HSD17B2: variants seen among roughly 807,000 people sequenced by gnomAD.
The protein encoded by HSD17B2 is hydroxysteroid 17-beta dehydrogenase 2, also known as 17-beta-hydroxysteroid dehydrogenase type 2.
A neutral mutation model predicts 26.9 loss-of-function variants in HSD17B2; 32 were observed. The ratio of observed to expected loss-of-function variants is 1.19; its 90% CI spans 0.90 to 1.60. The LOEUF (loss-of-function observed/expected upper bound fraction) is 1.60, where lower values mean the gene tolerates loss of function less well. Among genes scored for constraint, HSD17B2 ranks in the 40% most tolerant of loss-of-function variants. The probability of loss-of-function intolerance (pLI) is 0.00; values close to 1 mark genes in which losing one functional copy is unlikely to be tolerated. For missense variants in HSD17B2, 613 were observed against 468.6 expected (o/e 1.31, Z -2.85); for synonymous variants, 246 against 186.7 (o/e 1.32, Z -2.59).
At chr16:82,077,747 G>C (rs1904310058) in intron 3 of HSD17B2, among the ~76,000 whole-genome samples, 1 of 142,086 alleles carries the variant, frequency 7.0e-6, no homozygotes, top group African/African-American at 2.6e-5. Flanking sequence ...AAGAAAGAAA[G>C]AAGAAAGAAA....
rs759945495 is a variant in HSD17B2 at position 82,035,380 on chromosome 16, G to C, written c.-45G>C. ...GCCTCCAGCCAGCCTTTGCCCGCTA[G>C]ACTCACTGGCCCTGAGCACTTGAAG... On this transcript the variant is annotated 5_prime_UTR_variant, in exon 1 of 5. Transcript: ENST00000199936. The C allele has an allele frequency of 3.8e-6, 6 of 1,576,528 alleles. No homozygotes were observed. Among genetic ancestry groups the C allele is most frequent in the Admixed American group, 1.7e-5 (1 of 57,966 alleles).
At chr16:82,051,349 T>C (rs528228303) in intron 1 of HSD17B2, among the ~76,000 whole-genome samples, 15 of 152,232 alleles carry the variant, frequency 9.9e-5, no homozygotes, top group African/African-American at 3.6e-4. Flanking sequence ...CCCGCCAGGG[T>C]TAGAGAGATT....
rs527491978 is a variant in HSD17B2 at position 82,071,199 on chromosome 16, C to T, written c.664+72C>T. 1.4e-3 allele frequency: 2,105 copies of T among 1,459,516 alleles called. 3 individuals are homozygous for T. Among genetic ancestry groups the T allele is most frequent in the Non-Finnish European group, 1.6e-3 (1,680 of 1,042,670 alleles). 90.4% of individuals were successfully genotyped at this position (1,459,516 alleles called of 1,614,324 possible). The stretch of plus-strand genomic sequence containing the variant: ...CATGGCTCATGGCATTCTATGTGGG[C>T]GAACAAAAATGCAGGGCATGCAAAG... On this transcript the variant is annotated intron_variant, in intron 3 of 4. Transcript: ENST00000199936.
At chr16:82,082,215 C>G (rs965420266) in intron 3 of HSD17B2, among the ~76,000 whole-genome samples, 2 of 152,110 alleles carry the variant, frequency 1.3e-5, no homozygotes, top group African/African-American at 4.8e-5. Flanking sequence ...CTTGCTGTCT[C>G]TATCAGGCAG....
chr16:82,084,714 C>T (rs1481198185), intron 3 of HSD17B2, among the ~76,000 whole-genome samples: 1 of 152,132 alleles, frequency 6.6e-6, no homozygotes, highest in Non-Finnish European at 1.5e-5. Context: ...TAATTGCATG[C>T]TATGCTTGAA....
chr16:82,093,621 T>C (rs1392062397), intron 4 of HSD17B2: 2 of 152,318 alleles, frequency 1.3e-5, no homozygotes, highest in East Asian at 1.9e-4. Flanking sequence ...CAGAGTGAAA[T>C]TGTTACCAAA....
chr16:82,062,647 C>G (rs941840981), intron 1 of HSD17B2, among the ~76,000 whole-genome samples: 3 of 152,208 alleles, frequency 2.0e-5, no homozygotes, highest in Admixed American at 6.5e-5. Context: ...GTGATGGTAA[C>G]ATTACTTACC....
chr16:82,042,624 T>A (rs1913798183), intron 1 of HSD17B2, among the ~76,000 whole-genome samples: 1 of 152,112 alleles, frequency 6.6e-6, no homozygotes, highest in African/African-American at 2.4e-5. Flanking sequence ...TATTTTATTT[T>A]ATTTATTATT....
At chr16:82,037,750 G>C (rs2143907755) in intron 1 of HSD17B2, among the ~76,000 whole-genome samples, 1 of 152,262 alleles carries the variant, frequency 6.6e-6, no homozygotes. Context: ...CAGCCACAAG[G>C]ACTGTGTTAC....
intron 3 of HSD17B2, among the ~76,000 whole-genome samples, chr16:82,089,676 A>C (rs911910017): frequency 1.3e-5 from 2 of 152,170 alleles, no homozygotes; most frequent in African/African-American, 4.8e-5. Context: ...TCTGGGAAAG[A>C]ATCTGTCCTT....
chr16:82,049,899 C>T (rs932665359), intron 1 of HSD17B2, among the ~76,000 whole-genome samples: 1 of 152,238 alleles, frequency 6.6e-6, no homozygotes. Context: ...CACCTCGGGA[C>T]AGCTTCTTGA....
intron 4 of HSD17B2, chr16:82,091,247 T>C: frequency 3.2e-6 from 2 of 617,644 alleles, no homozygotes; most frequent in South Asian, 3.7e-5. Flanking sequence ...TGTGCGAAGG[T>C]GTTTTAAACA....
chr16:82,042,269 C>T (rs1473955352), intron 1 of HSD17B2, among the ~76,000 whole-genome samples: 1 of 151,980 alleles, frequency 6.6e-6, no homozygotes, highest in African/African-American at 2.4e-5. Flanking sequence ...CCTCCCAAAG[C>T]GCTGGGATTA....
intron 3 of HSD17B2, among the ~76,000 whole-genome samples, chr16:82,083,339 G>A (rs192629208): frequency 8.5e-5 from 13 of 152,188 alleles, no homozygotes; most frequent in Non-Finnish European, 1.2e-4. Context: ...ACATCATGTA[G>A]GAATACAGGT....
chr16:82,080,371 G>A (rs1904346635), intron 3 of HSD17B2, among the ~76,000 whole-genome samples: 1 of 152,114 alleles, frequency 6.6e-6, no homozygotes, highest in South Asian at 2.1e-4. Flanking sequence ...AATCACAAGG[G>A]TCCTTATAAG....
intron 1 of HSD17B2, among the ~76,000 whole-genome samples, chr16:82,036,124 C>T (rs1913617506): frequency 6.6e-6 from 1 of 152,046 alleles, no homozygotes; most frequent in Admixed American, 6.6e-5. Context: ...TCTACTTGTC[C>T]CTTGCTGTTT....
intron 4 of HSD17B2, chr16:82,091,998 C>T (rs1336941961): frequency 6.6e-6 from 1 of 152,160 alleles, no homozygotes; most frequent in Non-Finnish European, 1.5e-5. Context: ...TGTGGGAACG[C>T]AGCTCAAAAA....
At chr16:82,070,106 G>C (rs1914663601) in intron 2 of HSD17B2, among the ~76,000 whole-genome samples, 1 of 152,114 alleles carries the variant, frequency 6.6e-6, no homozygotes, top group Admixed American at 6.5e-5. Flanking sequence ...TTATACTCCA[G>C]AGGCTTCAAC....
At position 82,035,368 on chromosome 16, in the gene HSD17B2, C is replaced by T. The variant is rs572763064; in HGVS notation, c.-57C>T. On this transcript the variant is annotated 5_prime_UTR_variant, in exon 1 of 5. Transcript: ENST00000199936. ...AGAACTCAGGCTGCCTCCAGCCAGC[C>T]TTTGCCCGCTAGACTCACTGGCCCT... 6 of 1,555,290 alleles carry T rather than the reference C, an allele frequency of 3.9e-6. No individual in the cohort carries two copies. The South Asian group carries it at 4.9e-5, about 13-fold the overall frequency.
Sources: allele counts gnomAD v4.1 joint callset (sites outside exome capture counted in the v4.1 genomes callset), GRCh38; gene constraint gnomAD v4.1.1; transcripts MANE v1.5; gene names NCBI Gene and HGNC (gene_info 2026-07-23, HGNC 2026-07-21).